The following PRDX4 variants were observed in gnomAD, a reference collection of about 807,000 sequenced individuals.
The protein encoded by PRDX4 is peroxiredoxin 4.
A neutral mutation model predicts 20.5 loss-of-function variants in PRDX4; 12 were observed. That is an observed-to-expected ratio of 0.58 (90% CI 0.37 to 0.95). PRDX4 has a LOEUF of 0.95. Among genes scored for constraint, PRDX4 ranks in the 40% least tolerant of loss-of-function variants. PRDX4 has a pLI of 0.01. For missense variants in PRDX4, 180 were observed against 207.3 expected, an observed-to-expected ratio of 0.87 and a Z score of 0.81; for synonymous variants, 99 against 87.5, an observed-to-expected ratio of 1.13 and a Z score of -0.73.
At chrX:23,686,221 G>T in intron 6 of PRDX4, 64 bp from the exon 7 acceptor site, 1 of 895,877 alleles carries the variant, frequency 1.1e-6, no homozygotes, top group Non-Finnish European at 1.6e-6. Flanking sequence ...ACTAATGTCA[G>T]ACTACTCATT....
At chrX:23,676,236 T>C (rs1030942119) in intron 3 of PRDX4, among the ~76,000 whole-genome samples, 1 of 110,191 alleles carries the variant, frequency 9.1e-6, no homozygotes, top group African/African-American at 3.3e-5. Context: ...AACACAAGCT[T>C]TTCTCATTTA....
In PRDX4 at chrX:23,683,655, T is replaced by C; in HGVS notation, c.731-16T>C. 8.3e-7 allele frequency: 1 copy of C among 1,204,454 alleles called. No individual in the cohort carries two copies. Among genetic ancestry groups the C allele is most frequent in the African/African-American group, 1.7e-5 (1 of 57,471 alleles). On this transcript the variant is annotated splice_polypyrimidine_tract_variant and intron_variant, in intron 5 of 6. Coordinates refer to ENST00000379341, the MANE Select transcript of PRDX4 (RefSeq NM_006406.2). ...CTGTTTTTAAAATGTCTTCTGCCTC[T>C]TTTTGTTTCTTTTAGTCTGCCCTGC... is the stretch of plus-strand genomic sequence containing the variant.
At chrX:23,679,314 A>T (rs971726469) in intron 4 of PRDX4, 27 bp downstream of exon 4, 1 of 1,162,814 alleles carries the variant, frequency 8.6e-7, no homozygotes, top group Non-Finnish European at 1.2e-6. Flanking sequence ...TTATATTATG[A>T]CAAATCCAAG....
intron 6 of PRDX4, among the ~76,000 whole-genome samples, chrX:23,684,256 C>T (rs1284015686): frequency 2.8e-5 from 3 of 107,822 alleles, no homozygotes; most frequent in East Asian, 2.9e-4. Flanking sequence ...ATAAATACAC[C>T]GTTCGAAAAA....
chrX:23,675,266 G>C (rs1927924720), intron 3 of PRDX4, 160 bp downstream of exon 3: 2 of 997,206 alleles, frequency 2.0e-6, no homozygotes, highest in African/African-American at 3.9e-5. Context: ...CATTTTCCAG[G>C]TTAAAAAAAG....
rs55792240 is a variant in PRDX4, at chrX:23,676,136, C to CAAAAAAAAAAA, written c.476+1051_476+1061dup. 1.8e-3 allele frequency among the ~76,000 whole-genome samples: 98 copies of CAAAAAAAAAAA among 54,971 alleles called. 1 individual carries two copies. The highest frequency in any genetic ancestry group is 2.6e-3 in the Non-Finnish European group (78 of 30,545). 47.7% of individuals were successfully genotyped at this position (54,971 alleles called of 115,157 possible). ...GGGCAATGAGAGTGAAACTCCATCTCAAAAAAAAAAAAAAAAAAAAAAAAA... is the reference window on the plus strand; with the variant it reads ...GGGCAATGAGAGTGAAACTCCATCTCAAAAAAAAAAAAAAAAAAAAAAAAAAAAAAAAAAAA... On this transcript the variant is annotated intron_variant, in intron 3 of 6. Transcript: ENST00000379341.
intron 2 of PRDX4, among the ~76,000 whole-genome samples, chrX:23,671,926 T>A (rs754287287): frequency 1.8e-5 from 2 of 112,336 alleles, no homozygotes; most frequent in South Asian, 7.4e-4. Context: ...GGACTGATAA[T>A]ATATTAGAAA....
intron 5 of PRDX4, among the ~76,000 whole-genome samples, chrX:23,682,853 A>AAAATATATAT (rs1555933130): frequency 2.0e-4 from 3 of 14,878 alleles, no homozygotes; most frequent in African/African-American, 4.3e-4. Context: ...AAAAAAAAAA[A>AAAATATATAT]ATATATATAT....
chrX:23,667,842 G>A, intron 1 of PRDX4, 31 bp downstream of exon 1: 1 of 1,202,828 alleles, frequency 8.3e-7, no homozygotes, highest in Non-Finnish European at 1.1e-6. Context: ...GGGTGGGAGG[G>A]GAGATTCCGG....
chrX:23,675,907 T>A (rs1399364432), intron 3 of PRDX4, among the ~76,000 whole-genome samples: 1 of 111,153 alleles, frequency 9.0e-6, no homozygotes, highest in East Asian at 2.8e-4. Flanking sequence ...GGCAGGCAGA[T>A]CACCTGAGGT....
Position 23,679,195 on chromosome X carries a change from T to C in PRDX4, c.507T>C (p.Leu169=). Reference sequence around the variant, plus strand: ...ATACCCCTCGAAGACAAGGAGGACTTGGGCCAATAAGGATTCCACTTCTTT... The same window carrying C: ...ATACCCCTCGAAGACAAGGAGGACTCGGGCCAATAAGGATTCCACTTCTTT... ...WINTPRRQGG[L]GPIRIPLLSD... is the part of the protein sequence containing the mutation. The change falls in exon 4 of 7, where the codon CTT becomes CTC. Residue 169 remains leucine (L), a synonymous_variant. Coordinates refer to ENST00000379341, the MANE Select transcript of PRDX4 (RefSeq NM_006406.2). 1 of 1,208,590 alleles carries C rather than the reference T, an allele frequency of 8.3e-7. No homozygotes were observed. Among genetic ancestry groups the C allele is most frequent in the South Asian group, 1.8e-5 (1 of 56,865 alleles).
Position 23,672,313 on chromosome X carries a change from T to C in PRDX4, c.359+667T>C, listed in dbSNP as rs150949373. ...TTTCTCTAGTGATACCATGTAACTGTGGTTTTTCCATTTTTATTCTTTGCT... is the reference window on the plus strand; with the variant it reads ...TTTCTCTAGTGATACCATGTAACTGCGGTTTTTCCATTTTTATTCTTTGCT... On this transcript the variant is annotated intron_variant, in intron 2 of 6. Transcript: ENST00000379341. Among the ~76,000 whole-genome samples, 607 of 112,389 alleles carry C rather than the reference T, an allele frequency of 5.4e-3. 4 individuals are homozygous for C. The highest frequency in any genetic ancestry group is 0.018 in the African/African-American group (564 of 30,978).
intron 3 of PRDX4, among the ~76,000 whole-genome samples, chrX:23,677,490 C>G (rs937372924): frequency 9.0e-6 from 1 of 111,625 alleles, no homozygotes; most frequent in Non-Finnish European, 1.9e-5. Context: ...CGGAAAAAAT[C>G]CTAAATCCAA....
At chrX:23,675,781 GA>G (rs1466053772) in intron 3 of PRDX4, among the ~76,000 whole-genome samples, 1 of 111,611 alleles carries the variant, frequency 9.0e-6, no homozygotes, top group Non-Finnish European at 1.9e-5. Flanking sequence ...ATGTTAATAT[GA>G]GTTTTTATAG....
chrX:23,684,513 T>G (rs1359788916), intron 6 of PRDX4, among the ~76,000 whole-genome samples: 1 of 110,716 alleles, frequency 9.0e-6, no homozygotes, highest in Non-Finnish European at 1.9e-5. Context: ...TTTTTTTTTC[T>G]TTTTTGAGAC....
rs1569181927 is a variant in PRDX4, at chrX:23,667,551, G to A, written c.-20G>A. The A allele has an allele frequency of 2.6e-6, 3 of 1,172,266 alleles. No individual in the cohort carries two copies. Among genetic ancestry groups the A allele is most frequent in the Non-Finnish European group, 3.4e-6 (3 of 876,238 alleles). On this transcript the variant is annotated 5_prime_UTR_variant, in exon 1 of 7. Transcript: ENST00000379341. ...AAGCGGCGCTCGCGCCAAGGGACGT[G>A]TTTCTGCGCTCGCGTGGTCATGGAG... is the stretch of plus-strand genomic sequence containing the variant.
Position 23,667,866 on chromosome X carries a change from C to G in PRDX4, c.241+55C>G, listed in dbSNP as rs755020373. On this transcript the variant is annotated intron_variant, in intron 1 of 6. Coordinates refer to ENST00000379341, the MANE Select transcript of PRDX4 (RefSeq NM_006406.2). Reference sequence around the variant, plus strand: ...GGGAGATTCCGGAGACACGTGTACCCCGGTTACACCCCCGGAATCTGGGCT... The same window carrying G: ...GGGAGATTCCGGAGACACGTGTACCGCGGTTACACCCCCGGAATCTGGGCT... The G allele has an allele frequency of 4.4e-4, 516 of 1,184,898 alleles. 2 individuals are homozygous for G. In the African/African-American group the frequency reaches 7.8e-3, roughly 18 times the overall value.
At chrX:23,677,107 A>C (rs1319591898) in intron 3 of PRDX4, among the ~76,000 whole-genome samples, 1 of 111,712 alleles carries the variant, frequency 9.0e-6, no homozygotes, top group African/African-American at 3.3e-5. Flanking sequence ...ATATCCACTA[A>C]GGAAAAAGTT....
At chrX:23,685,929 A>T (rs906501010) in intron 6 of PRDX4, 5 of 236,981 alleles carry the variant, frequency 2.1e-5, no homozygotes, top group Non-Finnish European at 4.1e-5. Context: ...ACATACCATC[A>T]TTTTAGCAGC....
Sources: allele counts gnomAD v4.1 joint callset (sites outside exome capture counted in the v4.1 genomes callset), GRCh38; gene constraint gnomAD v4.1.1; transcripts MANE v1.5; gene names NCBI Gene and HGNC (gene_info 2026-07-23, HGNC 2026-07-21).